The following KEL variants were observed in gnomAD, a reference collection of about 807,000 sequenced individuals.
The protein encoded by KEL is Kell metallo-endopeptidase (Kell blood group), also known as kell blood group glycoprotein.
A neutral mutation model predicts 99.5 loss-of-function variants in KEL; 96 were observed. The ratio of observed to expected loss-of-function variants is 0.97; its 90% CI spans 0.82 to 1.14. The LOEUF (loss-of-function observed/expected upper bound fraction) is 1.14. Ranked by LOEUF, KEL falls within the 50% of genes most tolerant of loss-of-function variation. KEL has a pLI of 0.00. For missense variants in KEL, 926 were observed against 924.2 expected (o/e 1.00, Z -0.03); for synonymous variants, 355 against 354.8 (o/e 1.00, Z -0.01).
At chr7:142,953,217 C>T (rs1356561846) in intron 9 of KEL, 1 of 347,230 alleles carries the variant, frequency 2.9e-6, no homozygotes, top group Non-Finnish European at 4.1e-6. Context: ...GAGAGCCCAA[C>T]AAAGAGCCAC....
intron 9 of KEL, chr7:142,953,514 T>C: frequency 1.9e-6 from 1 of 535,614 alleles, no homozygotes; most frequent in Non-Finnish European, 2.4e-6. Context: ...CAGAGGCTCT[T>C]GACTGGCTGG....
At chr7:142,957,068 A>C (rs1796845554) in intron 6 of KEL, among the ~76,000 whole-genome samples, 1 of 152,236 alleles carries the variant, frequency 6.6e-6, no homozygotes, top group African/African-American at 2.4e-5. Context: ...GAGGCTCACA[A>C]TCTTCAACAC....
chr7:142,957,822 C>T lies in KEL; in HGVS notation c.672+5G>A. On this transcript the variant is annotated splice_donor_5th_base_variant and intron_variant, in intron 6 of 18. Coordinates refer to ENST00000355265, the MANE Select transcript of KEL (RefSeq NM_000420.3). ...CAACTGTGTCTTCGCCAGTGCATCC[C>T]TCACCTGGATGACTGGTGTGTGTGG... 1 of 1,614,076 alleles carries T rather than the reference C, an allele frequency of 6.2e-7. No individual in the cohort carries two copies. Among genetic ancestry groups the T allele is most frequent in the South Asian group, 1.1e-5 (1 of 91,076 alleles).
Position 142,958,544 on chromosome 7 carries a change from G to A in KEL, c.401-116C>T, listed in dbSNP as rs1383694472. 3.2e-6 allele frequency: 3 copies of A among 949,608 alleles called. No individual in the cohort carries two copies. In the South Asian group the frequency reaches 4.1e-5, roughly 13 times the overall value. 58.8% of individuals were successfully genotyped at this position (949,608 alleles called of 1,614,324 possible). A position where few individuals can be genotyped will look rare whatever the true frequency, so the allele number is the denominator to read the frequency against. ...TATATCATAAGTTCTCATCAGATGG[G>A]TTTTATTTAACCCATGTAACATGAT... On this transcript the variant is annotated intron_variant, in intron 4 of 18. Coordinates refer to ENST00000355265, the MANE Select transcript of KEL (RefSeq NM_000420.3).
Position 142,943,788 on chromosome 7 carries a change from T to C in KEL, c.1587A>G (p.Gln529=). 6.2e-7 allele frequency: 1 copy of C among 1,613,570 alleles called. No homozygotes were observed. Among genetic ancestry groups the C allele is most frequent in the South Asian group, 1.1e-5 (1 of 91,056 alleles). ...TGTCTCCCCTGCTGTCATACCTGTGTTGGGGGTGAGGCTGCAAGAAGCTCT... is the reference window on the plus strand; with the variant it reads ...TGTCTCCCCTGCTGTCATACCTGTGCTGGGGGTGAGGCTGCAAGAAGCTCT... The part of the protein sequence containing the change: ...IVQSFLQPHP[Q]HRWKVSPWDV... Residue 529 remains glutamine, a synonymous_variant, in exon 14 of 19, where the codon CAA becomes CAG. Transcript: ENST00000355265.
Position 142,941,174 on chromosome 7 carries a change from A to G in KEL, c.*78T>C, listed in dbSNP as rs368456049. 9 of 1,502,938 alleles carry G rather than the reference A, an allele frequency of 6.0e-6. No homozygotes were observed. The highest frequency in any genetic ancestry group is 5.5e-5 in the African/African-American group (4 of 72,854). 93.1% of individuals were successfully genotyped at this position (1,502,938 alleles called of 1,614,324 possible). A position where few individuals can be genotyped will look rare whatever the true frequency, so the allele number is the denominator to read the frequency against. On this transcript the variant is annotated 3_prime_UTR_variant, in exon 19 of 19. Transcript: ENST00000355265. ...TTTTTGGAACAGAAGCAGAAAGGAA[A>G]TCTTGCTCTGATTCCATGGATGTGA...
intron 13 of KEL, among the ~76,000 whole-genome samples, 181 bp downstream of exon 13, chr7:142,944,142 C>A (rs1398245003): frequency 2.0e-5 from 3 of 152,226 alleles, no homozygotes; most frequent in Non-Finnish European, 4.4e-5. Context: ...TGAAAAGATT[C>A]TGTTCTTCTG....
intron 12 of KEL, 54 bp downstream of exon 12, chr7:142,944,589 C>T (rs1412003615): frequency 1.4e-6 from 2 of 1,462,760 alleles, no homozygotes; most frequent in Non-Finnish European, 1.9e-6. Flanking sequence ...TCGCTTGTTC[C>T]AATACTCCAT....
In KEL at chr7:142,942,949, T is replaced by G. The variant is rs753552670; in HGVS notation, c.1867A>C (p.Arg623=). 27 of 1,614,088 alleles carry G rather than the reference T, an allele frequency of 1.7e-5. No homozygotes were observed. The highest frequency in any genetic ancestry group is 1.6e-4 in the Middle Eastern group (1 of 6,084). Residue 623 remains arginine (R), a synonymous_variant, in exon 17 of 19, where the codon AGA becomes CGA. Coordinates refer to ENST00000355265, the MANE Select transcript of KEL (RefSeq NM_000420.3). ...GTGAGGGAGTCATTGAAGGAGGTTC[T>G]GCTAGGTAATGGAAAGGCAGCATAA... is the stretch of plus-strand genomic sequence containing the variant. The part of the protein sequence containing the change: ...RHYAAFPLPS[R]TSFNDSLTFL...
rs61729059 is a variant in KEL at position 142,954,203 on chromosome 7, AC to A, written c.904del (p.Val302SerfsTer28). On this transcript the variant is annotated frameshift_variant, in exon 8 of 19. Coordinates refer to ENST00000355265, the MANE Select transcript of KEL (RefSeq NM_000420.3). LOFTEE classifies it high-confidence loss of function. ...AGGCACCTTGAGCTGGTCGATAGTGACCATCTGGAAGAGCTTGCCCTGTGCC... is the reference window on the plus strand; with the variant it reads ...AGGCACCTTGAGCTGGTCGATAGTGACATCTGGAAGAGCTTGCCCTGTGCC... ...RRAQGKLFQM[V>X]TIDQLKEMAP... is the part of the protein sequence containing the mutation. 25 of 1,611,420 alleles carry A rather than the reference AC, an allele frequency of 1.6e-5. No individual in the cohort carries two copies. The highest frequency in any genetic ancestry group is 2.0e-5 in the Non-Finnish European group (24 of 1,179,962).
At chr7:142,961,774 C>G (rs1202253714) in intron 2 of KEL, 21 bp downstream of exon 2, 1 of 1,600,852 alleles carries the variant, frequency 6.2e-7, no homozygotes, top group African/African-American at 1.3e-5. Flanking sequence ...TATTCCAGAC[C>G]CAGGAGAGGA....
In KEL at chr7:142,953,565, C is replaced by A. The variant is rs182757946; in HGVS notation, c.1073+243G>T. On this transcript the variant is annotated intron_variant, in intron 9 of 18. Coordinates refer to ENST00000355265, the MANE Select transcript of KEL (RefSeq NM_000420.3). The stretch of plus-strand genomic sequence containing the variant: ...AAACCCCGTGTCTTGGCTGACCCTG[C>A]GTTCCTCATGTCGTGTGTATCCTCC... Among the ~76,000 whole-genome samples the A allele has an allele frequency of 2.6e-5, 4 of 152,260 alleles. No individual in the cohort carries two copies. The East Asian group carries it at 7.7e-4, about 29-fold the overall frequency.
intron 4 of KEL, among the ~76,000 whole-genome samples, chr7:142,960,254 C>T (rs1287813867): frequency 3.3e-5 from 5 of 152,220 alleles, no homozygotes; most frequent in Admixed American, 6.5e-5. Context: ...CATCCTACCC[C>T]TTTCATTCCA....
At chr7:142,944,219 TAA>T in intron 13 of KEL, 102 bp downstream of exon 13, 1 of 946,580 alleles carries the variant, frequency 1.1e-6, no homozygotes, top group Non-Finnish European at 1.7e-6. Context: ...AGGACAGAGC[TAA>T]GTCACCCAGG....
chr7:142,958,516 C>T, intron 4 of KEL, 88 bp from the exon 5 acceptor site: 2 of 1,257,872 alleles, frequency 1.6e-6, no homozygotes, highest in Non-Finnish European at 2.3e-6. Context: ...GGGAGTCATG[C>T]CCTATATCAT....
rs995245271 is a variant in KEL at position 142,943,537 on chromosome 7, A to G, written c.1652T>C (p.Val551Ala). ...GGGTTGGAGGAGTCCAGCTGGAAAG[A>G]CTACCACATGGTCAGATACCGAATA... ...AYYSVSDHVV[V>A]FPAGLLQPPF... Residue 551 changes from valine (V) to alanine (A), a missense_variant, in exon 15 of 19, where the codon GTC (valine) becomes GCC (alanine). Coordinates refer to ENST00000355265, the MANE Select transcript of KEL (RefSeq NM_000420.3). The G allele has an allele frequency of 6.2e-7, 1 of 1,614,174 alleles. No homozygotes were observed.
rs1796847658 is a variant in KEL, at chr7:142,957,188, A to T, written c.672+639T>A. On this transcript the variant is annotated intron_variant, in intron 6 of 18. Coordinates refer to ENST00000355265, the MANE Select transcript of KEL (RefSeq NM_000420.3). ...ACTTCCTGGAAGAGATAATAAAGCCAACATTTGAAAAACATGTAAGTTTTC... is the reference window on the plus strand; with the variant it reads ...ACTTCCTGGAAGAGATAATAAAGCCTACATTTGAAAAACATGTAAGTTTTC... Among the ~76,000 whole-genome samples, 7 of 152,230 alleles carry T rather than the reference A, an allele frequency of 4.6e-5. No individual in the cohort carries two copies. In the South Asian group the frequency reaches 1.4e-3, roughly 32 times the overall value.
At position 142,944,404 on chromosome 7, in the gene KEL, G is replaced by A. The variant is rs1796456231; in HGVS notation, c.1414-4C>T. On this transcript the variant is annotated splice_polypyrimidine_tract_variant and splice_region_variant and intron_variant, in intron 12 of 18. Coordinates refer to ENST00000355265, the MANE Select transcript of KEL (RefSeq NM_000420.3). The stretch of plus-strand genomic sequence containing the variant: ...TCTCCACCTGCAGTTGAGCAACCTG[G>A]AGAGAGACACAGAAGAGGCTAGGAA... The A allele has an allele frequency of 6.2e-7, 1 of 1,611,334 alleles. No individual in the cohort carries two copies. The highest frequency in any genetic ancestry group is 1.7e-5 in the Admixed American group (1 of 60,004).
rs771335509 is a variant in KEL, at chr7:142,957,964, A to T, written c.535T>A (p.Trp179Arg). Residue 179 changes from tryptophan to arginine, a missense_variant, in exon 6 of 19, where the codon TGG (tryptophan) becomes AGG (arginine). By Grantham distance (101) the Trp-to-Arg change is moderately radical. Transcript: ENST00000355265. ...LRQVIEELGG[W>R]RISGKWTSLN... Reference sequence around the variant, plus strand: ...GAAGTCCATTTACCAGAGATGCGCCAGCCTCCAAGCTTTAAAGGAGAGAGA... The same window carrying T: ...GAAGTCCATTTACCAGAGATGCGCCTGCCTCCAAGCTTTAAAGGAGAGAGA... 6.2e-7 allele frequency: 1 copy of T among 1,614,100 alleles called. No homozygotes were observed. Among genetic ancestry groups the T allele is most frequent in the East Asian group, 2.2e-5 (1 of 44,878 alleles).
Sources: allele counts gnomAD v4.1 joint callset (sites outside exome capture counted in the v4.1 genomes callset), GRCh38; gene constraint gnomAD v4.1.1; transcripts MANE v1.5; gene names NCBI Gene and HGNC (gene_info 2026-07-23, HGNC 2026-07-21).